Variants in TROAP observed in about 807,000 individuals in gnomAD.
The protein encoded by TROAP is trophinin associated protein.
In TROAP, 62 loss-of-function variants were observed where a neutral mutation model predicts 83.4. The observed-to-expected ratio is 0.74, with a 90% CI of 0.61 to 0.92. The LOEUF is 0.92. Ranked by LOEUF, TROAP falls within the 40% of genes least tolerant of loss-of-function variation. The pLI is 0.00. For synonymous variants in TROAP, 352 were observed against 386.4 expected (o/e 0.91, Z 1.04); for missense variants, 876 against 985.1 (o/e 0.89, Z 1.48).
chr12:49,323,818 C>T lies in TROAP; in HGVS notation c.145-27C>T, dbSNP rs1258224178. 5.0e-6 allele frequency: 8 copies of T among 1,613,904 alleles called. No homozygotes were observed. The East Asian group carries it at 1.3e-4, about 27-fold the overall frequency. Reference sequence around the variant, plus strand: ...TAATGCACCCCAACACTAAACCTCACCTTTTTGTCCCCGCTCCCTCCCCTA... The same window carrying T: ...TAATGCACCCCAACACTAAACCTCATCTTTTTGTCCCCGCTCCCTCCCCTA... On this transcript the variant is annotated intron_variant, in intron 2 of 14. Coordinates refer to ENST00000257909, the MANE Select transcript of TROAP (RefSeq NM_005480.4).
rs753600456 is a variant in TROAP at position 49,323,841 on chromosome 12, C to T, written c.145-4C>T. On this transcript the variant is annotated splice_polypyrimidine_tract_variant and splice_region_variant and intron_variant, in intron 2 of 14. Coordinates refer to ENST00000257909, the MANE Select transcript of TROAP (RefSeq NM_005480.4). ...CACCTTTTTGTCCCCGCTCCCTCCCCTAGAGATGGGTGCAGAAACCACCGC... is the reference window on the plus strand; with the variant it reads ...CACCTTTTTGTCCCCGCTCCCTCCCTTAGAGATGGGTGCAGAAACCACCGC... 12 of 1,613,976 alleles carry T rather than the reference C, an allele frequency of 7.4e-6. No homozygotes were observed. Among genetic ancestry groups the T allele is most frequent in the Non-Finnish European group, 9.3e-6 (11 of 1,180,002 alleles).
Position 49,326,696 on chromosome 12 carries a change from C to T in TROAP, c.745C>T (p.Leu249Phe). The T allele has an allele frequency of 1.9e-6, 3 of 1,561,280 alleles. No individual in the cohort carries two copies. The highest frequency in any genetic ancestry group is 2.6e-6 in the Non-Finnish European group (3 of 1,151,248). ...RTSVSQASGL[L>F]LETPVQPAFS... The stretch of plus-strand genomic sequence containing the variant: ...TTCAGTGAGCCAGGCCTCAGGATTG[C>T]TCCTGGAGACCCCAGTCCAGCCTGG... The change falls in exon 7 of 15, where the codon CTC (leucine) becomes TTC (phenylalanine). Residue 249 changes from leucine (L) to phenylalanine (F), a missense_variant. By Grantham distance (22) the Leu-to-Phe change is conservative. This residue lies in a region of TROAP where 689 missense variants were observed against 722.6 expected (regional missense o/e 0.95). Transcript: ENST00000257909.
Position 49,330,263 on chromosome 12 carries a change from C to T in TROAP, c.1418C>T (p.Thr473Ile). Residue 473 changes from threonine (T) to isoleucine (I), a missense_variant, in exon 13 of 15, where the codon ACT becomes ATT. Thr to Ile is a moderately conservative substitution (Grantham distance 89, BLOSUM62 -1). Coordinates refer to ENST00000257909, the MANE Select transcript of TROAP (RefSeq NM_005480.4). The stretch of plus-strand genomic sequence containing the variant: ...ATGGTTGAACTTCAGCCCCTGCTGA[C>T]TGAGATTTCTAGAACTCTGAATGCC... ...LDMVELQPLL[T>I]EISRTLNATE... is the part of the protein sequence containing the mutation. 6.2e-7 allele frequency: 1 copy of T among 1,614,180 alleles called. No homozygotes were observed. Among genetic ancestry groups the T allele is most frequent in the South Asian group, 1.1e-5 (1 of 91,088 alleles).
Position 49,330,928 on chromosome 12 carries a change from C to G in TROAP, c.2083C>G (p.Pro695Ala). ...PICSLQSLRP[P>A]AGQAGLSNLA... ...CTGCTCACTCCAGTCTTTGAGACCCCCAGCAGGCCAGGCAGGTAAGGAGTT... is the reference window on the plus strand; with the variant it reads ...CTGCTCACTCCAGTCTTTGAGACCCGCAGCAGGCCAGGCAGGTAAGGAGTT... Residue 695 changes from proline (P) to alanine (A), a missense_variant, in exon 13 of 15, where the codon CCA becomes GCA. Coordinates refer to ENST00000257909, the MANE Select transcript of TROAP (RefSeq NM_005480.4). 6.2e-7 allele frequency: 1 copy of G among 1,611,502 alleles called. No individual in the cohort carries two copies. The highest frequency in any genetic ancestry group is 1.1e-5 in the South Asian group (1 of 91,080).
chr12:49,328,065 A>T (rs1167215655), intron 8 of TROAP, among the ~76,000 whole-genome samples: 1 of 151,958 alleles, frequency 6.6e-6, no homozygotes, highest in Non-Finnish European at 1.5e-5. Flanking sequence ...GCAGAGTAAG[A>T]AGAACAGTAG....
At chr12:49,328,811 C>A (rs1456740884) in intron 8 of TROAP, 116 bp from the exon 9 acceptor site, 2 of 1,398,290 alleles carry the variant, frequency 1.4e-6, no homozygotes, top group Non-Finnish European at 1.9e-6. Flanking sequence ...TTGCAGTGAG[C>A]CAAGATCGCG....
At chr12:49,327,023 A>G (rs765880227) in intron 7 of TROAP, among the ~76,000 whole-genome samples, 186 bp from the exon 8 acceptor site, 32 of 152,164 alleles carry the variant, frequency 2.1e-4, no homozygotes, top group Non-Finnish European at 4.1e-4. Context: ...GCCTACTCAG[A>G]CGTTCAGATT....
intron 4 of TROAP, 25 bp downstream of exon 4, chr12:49,325,683 C>A (rs1943488030): frequency 1.2e-6 from 2 of 1,613,080 alleles, no homozygotes; most frequent in Admixed American, 1.7e-5. Context: ...TGTGAGGAGA[C>A]CAGGCTAGGG....
At chr12:49,323,549 C>T (rs543802125) in intron 1 of TROAP, 55 bp from the exon 2 acceptor site, 32 of 1,587,106 alleles carry the variant, frequency 2.0e-5, no homozygotes, top group African/African-American at 2.7e-5. Context: ...GCCCCGAGAA[C>T]TGGTTGATCT....
At chr12:49,323,541 C>T in intron 1 of TROAP, 63 bp from the exon 2 acceptor site, 1 of 1,576,768 alleles carries the variant, frequency 6.3e-7, no homozygotes. Context: ...GGACAGGTGC[C>T]CCGAGAACTG....
Position 49,323,552 on chromosome 12 carries a change from G to C in TROAP, c.-5-52G>C, listed in dbSNP as rs1225173625. 1.3e-5 allele frequency: 20 copies of C among 1,591,380 alleles called. No individual in the cohort carries two copies. In the East Asian group the frequency reaches 4.0e-4, roughly 32 times the overall value. On this transcript the variant is annotated intron_variant, in intron 1 of 14. Coordinates refer to ENST00000257909, the MANE Select transcript of TROAP (RefSeq NM_005480.4). ...GGCAGGACAGGTGCCCCGAGAACTG[G>C]TTGATCTTTGATCTTAGATTCTGCC... is the stretch of plus-strand genomic sequence containing the variant.
chr12:49,329,857 G>A lies in TROAP; in HGVS notation c.1165G>A (p.Glu389Lys), dbSNP rs149181629. The change falls in exon 12 of 15, where the codon GAG (glutamate) becomes AAG (lysine). Residue 389 changes from glutamate to lysine, a missense_variant and splice_region_variant. Glu to Lys is a moderately conservative substitution (Grantham distance 56). Around this residue, in one of 3 missense-constraint regions of TROAP, gnomAD observed 689 missense variants for 722.6 expected, o/e 0.95. Coordinates refer to ENST00000257909, the MANE Select transcript of TROAP (RefSeq NM_005480.4). This position sits in a 1 kb window ranked among gnomAD's most constrained non-coding sequence, Gnocchi z 4.5. ...SCSEDPALPW[E>K]QVAVRLFDQE... ...TGTGTGCCTTGTTCCTTGGTGACAGGAGCAGGTTGCCGTCCGGTTGTTTGA... is the reference window on the plus strand; with the variant it reads ...TGTGTGCCTTGTTCCTTGGTGACAGAAGCAGGTTGCCGTCCGGTTGTTTGA... 108 of 1,613,776 alleles carry A rather than the reference G, an allele frequency of 6.7e-5. No individual in the cohort carries two copies. The highest frequency in any genetic ancestry group is 8.9e-5 in the Non-Finnish European group (105 of 1,179,844).
intron 3 of TROAP, 135 bp from the exon 4 acceptor site, chr12:49,325,366 T>TAAAA: frequency 4.3e-5 from 33 of 769,998 alleles, no homozygotes; most frequent in Admixed American, 6.9e-5. Context: ...ATCTATTTCT[T>TAAAA]AAAAAAAAAA....
Position 49,329,863 on chromosome 12 carries a change from G to T in TROAP, c.1171G>T (p.Val391Phe). Residue 391 changes from valine to phenylalanine, a missense_variant, in exon 12 of 15, where the codon GTT becomes TTT. This residue lies in a region of TROAP where 689 missense variants were observed against 722.6 expected (regional missense o/e 0.95). Transcript: ENST00000257909. The surrounding 1 kb of genome is among the most constrained non-coding windows in gnomAD (Gnocchi z 4.5). ...CCTTGTTCCTTGGTGACAGGAGCAG[G>T]TTGCCGTCCGGTTGTTTGACCAGGA... Reference protein sequence around the residue: ...SEDPALPWEQVAVRLFDQESC... With the variant: ...SEDPALPWEQFAVRLFDQESC... The T allele has an allele frequency of 6.2e-7, 1 of 1,613,872 alleles. No homozygotes were observed. The highest frequency in any genetic ancestry group is 8.5e-7 in the Non-Finnish European group (1 of 1,179,894).
At chr12:49,325,313 C>T in intron 3 of TROAP, 188 bp from the exon 4 acceptor site, 1 of 556,082 alleles carries the variant, frequency 1.8e-6, no homozygotes. Flanking sequence ...GCCTCGGCCT[C>T]CCAAAGTGCT....
At chr12:49,326,218 A>G (rs1394795404) in intron 6 of TROAP, 60 bp downstream of exon 6, 7 of 1,558,682 alleles carry the variant, frequency 4.5e-6, no homozygotes, top group Non-Finnish European at 6.2e-6. Flanking sequence ...AGTGTCTGAT[A>G]CAGGAGTCCC....
Position 49,330,786 on chromosome 12 carries a change from C to A in TROAP, c.1941C>A (p.Cys647Ter). 3 of 1,614,052 alleles carry A rather than the reference C, an allele frequency of 1.9e-6. No homozygotes were observed. The highest frequency in any genetic ancestry group is 2.5e-6 in the Non-Finnish European group (3 of 1,180,000). Residue 647 changes from cysteine to a stop codon, truncating the protein, a stop_gained, in exon 13 of 15, where the codon TGC becomes TGA. Coordinates refer to ENST00000257909, the MANE Select transcript of TROAP (RefSeq NM_005480.4). LOFTEE classifies it high-confidence loss of function. Reference protein sequence around the residue: ...PRVELGASEPCTLEHRSLESS... With the variant: ...PRVELGASEP ...TAGAGCTGGGGGCATCAGAGCCCTG[C>A]ACCCTGGAACATAGAAGTCTAGAGT...
Position 49,329,072 on chromosome 12 carries a change from G to C in TROAP, c.1020+17G>C. ...CCAACTCTGGTTTGTGTCAACAACT[G>C]GGGGCTGGGCAGGGGCAGAACAGTC... is the stretch of plus-strand genomic sequence containing the variant. On this transcript the variant is annotated intron_variant, in intron 9 of 14. Transcript: ENST00000257909. This position sits in a 1 kb window ranked among gnomAD's most constrained non-coding sequence, Gnocchi z 4.5. 6.2e-7 allele frequency: 1 copy of C among 1,612,804 alleles called. No individual in the cohort carries two copies. The highest frequency in any genetic ancestry group is 2.2e-5 in the East Asian group (1 of 44,832).
At position 49,323,753 on chromosome 12, in the gene TROAP, G is replaced by T; in HGVS notation, c.144+1G>T. 6.2e-7 allele frequency: 1 copy of T among 1,614,094 alleles called. No individual in the cohort carries two copies. The highest frequency in any genetic ancestry group is 8.5e-7 in the Non-Finnish European group (1 of 1,180,002). On this transcript the variant is annotated splice_donor_variant, in intron 2 of 14. Coordinates refer to ENST00000257909, the MANE Select transcript of TROAP (RefSeq NM_005480.4). LOFTEE classifies it high-confidence loss of function. ...GGACCAGGAGAACCAAGATCCAAGG[G>T]TAAGAGGGGCCTAATGGGGGAAGAC...
Sources: gnomAD v4.1 joint callset for allele counts (sites outside exome capture counted in the v4.1 genomes callset) on GRCh38, gnomAD v4.1.1 for gene constraint, gnomAD v4.1.1 regional missense constraint, Gnocchi (gnomAD v3.1) non-coding constraint, MANE v1.5 for transcripts, NCBI Gene and HGNC (gene_info 2026-07-23, HGNC 2026-07-21) for gene names.